The following ZNF512 variants were observed in gnomAD, a reference collection of about 807,000 sequenced individuals.
The protein encoded by ZNF512 is zinc finger protein 512.
In ZNF512, 25 loss-of-function variants were observed where a neutral mutation model predicts 77.5. The ratio of observed to expected loss-of-function variants is 0.32; its 90% CI spans 0.23 to 0.45. The LOEUF (loss-of-function observed/expected upper bound fraction) is 0.45. Ranked by LOEUF, ZNF512 falls within the 20% of genes least tolerant of loss-of-function variation. The pLI is 1.00. For synonymous variants in ZNF512, 246 were observed against 239.9 expected, an observed-to-expected ratio of 1.03 and a Z score of -0.24; for missense variants, 483 against 692.6, an observed-to-expected ratio of 0.70 and a Z score of 3.40.
intron 2 of ZNF512, among the ~76,000 whole-genome samples, chr2:27,588,210 C>T (rs1157049854): frequency 1.3e-5 from 2 of 151,832 alleles, no homozygotes; most frequent in Non-Finnish European, 2.9e-5. Context: ...TTTTTTCTTA[C>T]ATTTCATGCT....
At chr2:27,612,047 A>G (rs1672689644) in intron 10 of ZNF512, among the ~76,000 whole-genome samples, 1 of 152,054 alleles carries the variant, frequency 6.6e-6, no homozygotes, top group Admixed American at 6.5e-5. Context: ...CGTTTTTTCT[A>G]TAATTATTGA....
At chr2:27,586,800 C>A (rs1203468926) in intron 2 of ZNF512, among the ~76,000 whole-genome samples, 1 of 152,158 alleles carries the variant, frequency 6.6e-6, no homozygotes, top group Non-Finnish European at 1.5e-5. Flanking sequence ...CACCACTGTA[C>A]AGTGGTTTGC....
chr2:27,594,666 G>A (rs1671770942), intron 2 of ZNF512, among the ~76,000 whole-genome samples: 1 of 147,238 alleles, frequency 6.8e-6, no homozygotes, highest in Non-Finnish European at 1.5e-5. Flanking sequence ...CGGGCAGAGG[G>A]TCTCCTCCCA....
chr2:27,619,518 G>A (rs555890953), intron 13 of ZNF512, among the ~76,000 whole-genome samples: 3 of 152,134 alleles, frequency 2.0e-5, no homozygotes, highest in African/African-American at 7.2e-5. Flanking sequence ...ATTTCACTTG[G>A]TTTGGGGCAT....
Position 27,608,100 on chromosome 2 carries a change from A to G in ZNF512, c.1131+61A>G, listed in dbSNP as rs115989398. 2,610 of 1,442,706 alleles carry G rather than the reference A, an allele frequency of 1.8e-3. 39 individuals carry two copies. The African/African-American group carries it at 0.03, about 17-fold the overall frequency. The allele number at this position is 1,442,706 out of a possible 1,614,324, so 89.4% of individuals were successfully genotyped here. The stretch of plus-strand genomic sequence containing the variant: ...ATGTCTAACGTTGTGCCTACTGTAC[A>G]CAGAGAAGTAAATGCACTTGAGGAA... On this transcript the variant is annotated intron_variant, in intron 10 of 13. Transcript: ENST00000355467.
intron 2 of ZNF512, among the ~76,000 whole-genome samples, chr2:27,594,016 A>G (rs921354266): frequency 3.9e-5 from 6 of 152,194 alleles, no homozygotes; most frequent in Admixed American, 3.9e-4. Flanking sequence ...CGCCATCATC[A>G]TCATGGCCCA....
At chr2:27,619,325 C>A (rs550996851) in intron 13 of ZNF512, among the ~76,000 whole-genome samples, 9 of 152,142 alleles carry the variant, frequency 5.9e-5, no homozygotes, top group African/African-American at 2.2e-4. Flanking sequence ...TTTGCTTGAA[C>A]CCAGGAGACG....
chr2:27,609,535 C>T (rs1386900515), intron 10 of ZNF512, among the ~76,000 whole-genome samples: 2 of 152,028 alleles, frequency 1.3e-5, no homozygotes, highest in African/African-American at 4.8e-5. Flanking sequence ...CGAGACCAGC[C>T]TGGTCAACAT....
intron 2 of ZNF512, among the ~76,000 whole-genome samples, chr2:27,588,714 A>G (rs1671444148): frequency 6.6e-6 from 1 of 152,018 alleles, no homozygotes; most frequent in Non-Finnish European, 1.5e-5. Context: ...TTGCGTTTTT[A>G]TAAGAAGTAT....
chr2:27,601,244 C>A, intron 6 of ZNF512, 112 bp from the exon 7 acceptor site: 1 of 742,076 alleles, frequency 1.3e-6, no homozygotes, highest in Non-Finnish European at 2.1e-6. Flanking sequence ...GATTTATTGA[C>A]TATTGAGCTT....
chr2:27,597,743 A>G (rs1671936720), intron 2 of ZNF512, among the ~76,000 whole-genome samples: 1 of 152,196 alleles, frequency 6.6e-6, no homozygotes, highest in Non-Finnish European at 1.5e-5. Context: ...AAATCCAGGG[A>G]GTCTTCTGAA....
Position 27,607,970 on chromosome 2 carries a change from C to A in ZNF512, c.1062C>A (p.Ala354=), listed in dbSNP as rs1349337510. 5.0e-6 allele frequency: 8 copies of A among 1,612,422 alleles called. No homozygotes were observed. The highest frequency in any genetic ancestry group is 6.8e-6 in the Non-Finnish European group (8 of 1,179,414). Residue 354 remains alanine (A), a synonymous_variant, in exon 10 of 14, where the codon GCC becomes GCA. Transcript: ENST00000355467. ...KIAVYHLQEL[A]SAELAKEWPK... ...CTGTATACCACCTACAGGAGCTGGC[C>A]TCTGCTGAACTGGCCAAGGAATGGC...
chr2:27,595,466 A>G (rs976090172), intron 2 of ZNF512, among the ~76,000 whole-genome samples: 1 of 151,986 alleles, frequency 6.6e-6, no homozygotes, highest in African/African-American at 2.4e-5. Context: ...CTGAGATTAC[A>G]GGCACCCACC....
chr2:27,591,688 C>T (rs867694351), intron 2 of ZNF512, among the ~76,000 whole-genome samples: 7 of 152,192 alleles, frequency 4.6e-5, no homozygotes, highest in Non-Finnish European at 8.8e-5. Flanking sequence ...GGATTACAGG[C>T]GCGAGTCACC....
chr2:27,608,037 A>G lies in ZNF512; in HGVS notation c.1129A>G (p.Lys377Glu). 1 of 1,560,854 alleles carries G rather than the reference A, an allele frequency of 6.4e-7. No homozygotes were observed. Among genetic ancestry groups the G allele is most frequent in the Non-Finnish European group, 8.6e-7 (1 of 1,157,254 alleles). The change falls in exon 10 of 14, where the codon AAG becomes GAG. Residue 377 changes from lysine (K) to glutamate (E), a missense_variant and splice_region_variant. By Grantham distance (56) the Lys-to-Glu change is moderately conservative. Coordinates refer to ENST00000355467, the MANE Select transcript of ZNF512 (RefSeq NM_032434.4). The stretch of plus-strand genomic sequence containing the variant: ...TCAGGACCTGGTACCTGATGATCGA[A>G]AGGTAAGGCAGAAACATGTATCAAT... The part of the protein sequence containing the change: ...VLQDLVPDDR[K>E]LKYTRPGLPT...
intron 9 of ZNF512, among the ~76,000 whole-genome samples, chr2:27,606,952 C>G (rs1273579921): frequency 1.3e-5 from 2 of 152,198 alleles, no homozygotes; most frequent in Admixed American, 6.5e-5. Context: ...AAGAATTCTC[C>G]CTTTCCAAAG....
intron 2 of ZNF512, among the ~76,000 whole-genome samples, chr2:27,597,181 T>C (rs1671908130): frequency 6.6e-6 from 1 of 152,346 alleles, no homozygotes; most frequent in Non-Finnish European, 1.5e-5. Flanking sequence ...GTAATTCTTA[T>C]TAGCTCTACA....
At chr2:27,616,719 A>G (rs1261618634) in intron 12 of ZNF512, among the ~76,000 whole-genome samples, 10 of 152,188 alleles carry the variant, frequency 6.6e-5, no homozygotes, top group Admixed American at 5.9e-4. Context: ...AAGATCCTCT[A>G]TACCCATCTG....
Position 27,583,062 on chromosome 2 carries a change from T to G in ZNF512, c.-51T>G, listed in dbSNP as rs776497327. 1 of 1,612,122 alleles carries G rather than the reference T, an allele frequency of 6.2e-7. No homozygotes were observed. The highest frequency in any genetic ancestry group is 1.1e-5 in the South Asian group (1 of 91,040). On this transcript the variant is annotated 5_prime_UTR_variant, in exon 1 of 14. Transcript: ENST00000355467. ...CCGGGAGAGGAGAGCGGAAGTGGCG[T>G]TGGTCTGGCCGGAGCCCTTGGGTGA... is the stretch of plus-strand genomic sequence containing the variant.
Sources: allele counts gnomAD v4.1 joint callset (sites outside exome capture counted in the v4.1 genomes callset), GRCh38; gene constraint gnomAD v4.1.1; transcripts MANE v1.5; gene names NCBI Gene and HGNC (gene_info 2026-07-23, HGNC 2026-07-21).